The following SERPINB5 variants were observed in gnomAD, a reference collection of about 807,000 sequenced individuals.
SERPINB5 encodes the protein serpin B5.
A neutral mutation model predicts 32.2 loss-of-function variants in SERPINB5; 27 were observed. The ratio of observed to expected loss-of-function variants is 0.84; its 90% CI spans 0.62 to 1.16. The LOEUF (loss-of-function observed/expected upper bound fraction) is 1.16. Among genes scored for constraint, SERPINB5 ranks in the 50% most tolerant of loss-of-function variants. SERPINB5 has a pLI of 0.00. For missense variants in SERPINB5, 388 were observed against 436.3 expected, an observed-to-expected ratio of 0.89 and a Z score of 0.99; for synonymous variants, 154 against 157.4, an observed-to-expected ratio of 0.98 and a Z score of 0.16.
chr18:63,493,187 G>A, intron 5 of SERPINB5, 92 bp downstream of exon 5: 2 of 1,547,276 alleles, frequency 1.3e-6, no homozygotes, highest in South Asian at 1.1e-5. Flanking sequence ...ATTCCAATGA[G>A]GAACCTGAGG....
Position 63,486,984 on chromosome 18 carries a change from A to G in SERPINB5, c.207A>G (p.Gly69=). 3.7e-6 allele frequency: 6 copies of G among 1,614,174 alleles called. No homozygotes were observed. Among genetic ancestry groups the G allele is most frequent in the Non-Finnish European group, 5.1e-6 (6 of 1,179,998 alleles). Residue 69 remains glycine, a synonymous_variant, in exon 3 of 7, where the codon GGA becomes GGG. Coordinates refer to ENST00000382771, the MANE Select transcript of SERPINB5 (RefSeq NM_002639.5). ...HFENVKDVPF[G]FQTVTSDVNK... is the part of the protein sequence containing the mutation. ...AAAATGTCAAAGATGTACCCTTTGGATTTCAAACAGTAACATCGGATGTAA... is the reference window on the plus strand; with the variant it reads ...AAAATGTCAAAGATGTACCCTTTGGGTTTCAAACAGTAACATCGGATGTAA...
chr18:63,502,640 T>G (rs1909593251), intron 6 of SERPINB5, among the ~76,000 whole-genome samples: 1 of 152,178 alleles, frequency 6.6e-6, no homozygotes, highest in Non-Finnish European at 1.5e-5. Context: ...TCAAGAAATA[T>G]GTGTAAAAAG....
intron 3 of SERPINB5, 125 bp downstream of exon 3, chr18:63,487,208 T>C (rs1260210994): frequency 7.7e-6 from 7 of 912,424 alleles, no homozygotes; most frequent in Non-Finnish European, 1.1e-5. Context: ...GATTTGAGGC[T>C]TTAAATAAAT....
At chr18:63,479,496 G>A (rs934076762) in intron 1 of SERPINB5, among the ~76,000 whole-genome samples, 4 of 152,120 alleles carry the variant, frequency 2.6e-5, no homozygotes, top group Non-Finnish European at 5.9e-5. Context: ...CCTGTCCCAC[G>A]TTTTTGCAAG....
intron 5 of SERPINB5, chr18:63,497,103 C>T (rs1909463377): frequency 3.3e-6 from 2 of 606,690 alleles, no homozygotes; most frequent in Admixed American, 3.7e-5. Flanking sequence ...TTCATCTAAA[C>T]AGCCTTCCTA....
intron 6 of SERPINB5, among the ~76,000 whole-genome samples, chr18:63,500,682 C>T (rs1468463687): frequency 6.6e-6 from 1 of 152,022 alleles, no homozygotes; most frequent in Non-Finnish European, 1.5e-5. Flanking sequence ...TCTAGCTCCA[C>T]CCCGCCTGGC....
chr18:63,485,211 G>A (rs1917190021), intron 2 of SERPINB5, among the ~76,000 whole-genome samples: 1 of 152,144 alleles, frequency 6.6e-6, no homozygotes, highest in African/African-American at 2.4e-5. Context: ...AGCAGCATCT[G>A]TATCGTTTTA....
At chr18:63,493,690 C>T (rs1299043459) in intron 5 of SERPINB5, 1 of 154,294 alleles carries the variant, frequency 6.5e-6, no homozygotes, top group Non-Finnish European at 1.4e-5. Context: ...GAAACCCTGT[C>T]TCTACTAAAA....
At chr18:63,477,483 G>A (rs1213208769) in intron 1 of SERPINB5, among the ~76,000 whole-genome samples, 1 of 152,142 alleles carries the variant, frequency 6.6e-6, no homozygotes, top group Non-Finnish European at 1.5e-5. Context: ...GTATTGGTGG[G>A]TCTGGCTGGC....
At chr18:63,484,131 T>TG (rs760882676) in intron 1 of SERPINB5, among the ~76,000 whole-genome samples, 2 of 152,266 alleles carry the variant, frequency 1.3e-5, no homozygotes, top group Non-Finnish European at 2.9e-5. Context: ...TGACATATGC[T>TG]GGAGAAGAGA....
intron 6 of SERPINB5, 65 bp from the exon 7 acceptor site, chr18:63,503,265 A>G (rs1485700158): frequency 4.7e-6 from 7 of 1,503,692 alleles, no homozygotes; most frequent in African/African-American, 1.4e-5. Flanking sequence ...TATGTTTTCA[A>G]TTGAGCCAGG....
At chr18:63,499,467 G>A (rs1909526492) in intron 6 of SERPINB5, among the ~76,000 whole-genome samples, 180 bp downstream of exon 6, 1 of 152,146 alleles carries the variant, frequency 6.6e-6, no homozygotes, top group Admixed American at 6.5e-5. Context: ...ATTAACAACA[G>A]CCAAAATTTA....
chr18:63,499,022 T>TAG, intron 5 of SERPINB5, 98 bp from the exon 6 acceptor site: 1 of 431,488 alleles, frequency 2.3e-6, no homozygotes, highest in Non-Finnish European at 3.6e-6. Flanking sequence ...TGGGTATATA[T>TAG]GTGTGTGTGT....
At chr18:63,494,538 C>G (rs1909409383) in intron 5 of SERPINB5, among the ~76,000 whole-genome samples, 1 of 152,100 alleles carries the variant, frequency 6.6e-6, no homozygotes, top group Admixed American at 6.5e-5. Flanking sequence ...TTACCTGTAG[C>G]TCCTACGCGT....
In SERPINB5 at chr18:63,486,844, G is replaced by T. The variant is rs561957295; in HGVS notation, c.169-102G>T. On this transcript the variant is annotated intron_variant, in intron 2 of 6. Transcript: ENST00000382771. ...TTACTTTACGGGAACTAGGCAGGAG[G>T]AGTCTGTATGCCCAAGGACGTTGGT... 205 of 1,169,908 alleles carry T rather than the reference G, an allele frequency of 1.8e-4. No homozygotes were observed. The African/African-American group carries it at 2.9e-3, about 17-fold the overall frequency. The allele number at this position is 1,169,908 out of a possible 1,614,324, so 72.5% of individuals were successfully genotyped here. A position where few individuals can be genotyped will look rare whatever the true frequency, so the allele number is the denominator to read the frequency against.
chr18:63,487,098 G>A lies in SERPINB5; in HGVS notation c.306+15G>A. 6.2e-7 allele frequency: 1 copy of A among 1,611,198 alleles called. No homozygotes were observed. Among genetic ancestry groups the A allele is most frequent in the Non-Finnish European group, 8.5e-7 (1 of 1,178,774 alleles). The stretch of plus-strand genomic sequence containing the variant: ...ATCTTTCTACAGTAAGTTGTTTAAA[G>A]CAAGTAGCAAGACTTAACTTTTTAC... On this transcript the variant is annotated intron_variant, in intron 3 of 6. Transcript: ENST00000382771.
Position 63,499,193 on chromosome 18 carries a change from G to A in SERPINB5, c.641G>A (p.Cys214Tyr), listed in dbSNP as rs764255267. ...FCMGNIDSIN[C>Y]KIIELPFQNK... ...ATGGGAAACATTGACAGTATCAATTGTAAGATCATAGAGCTTCCTTTTCAA... is the reference window on the plus strand; with the variant it reads ...ATGGGAAACATTGACAGTATCAATTATAAGATCATAGAGCTTCCTTTTCAA... The change falls in exon 6 of 7, where the codon TGT (cysteine) becomes TAT (tyrosine). Residue 214 changes from cysteine to tyrosine, a missense_variant. By Grantham distance (194) the Cys-to-Tyr change is radical. Coordinates refer to ENST00000382771, the MANE Select transcript of SERPINB5 (RefSeq NM_002639.5). 8 of 1,603,014 alleles carry A rather than the reference G, an allele frequency of 5.0e-6. No individual in the cohort carries two copies. Among genetic ancestry groups the A allele is most frequent in the Non-Finnish European group, 5.1e-6 (6 of 1,174,502 alleles).
At chr18:63,481,503 ATAT>A (rs911445190) in intron 1 of SERPINB5, among the ~76,000 whole-genome samples, 2 of 152,254 alleles carry the variant, frequency 1.3e-5, no homozygotes, top group African/African-American at 4.8e-5. Context: ...GTGTGTTTTC[ATAT>A]TATTATCAGT....
rs188892440 is a variant in SERPINB5, at chr18:63,478,140, G to A, written c.-8+1095G>A. ...CTGTCTGAGGAAAGGAGTCTCCAAAGGAAATGAGTCAGCAGGTTTATATCT... is the reference window on the plus strand; with the variant it reads ...CTGTCTGAGGAAAGGAGTCTCCAAAAGAAATGAGTCAGCAGGTTTATATCT... On this transcript the variant is annotated intron_variant, in intron 1 of 6. Coordinates refer to ENST00000382771, the MANE Select transcript of SERPINB5 (RefSeq NM_002639.5). 2.3e-4 allele frequency among the ~76,000 whole-genome samples: 35 copies of A among 152,328 alleles called. No individual in the cohort carries two copies. The East Asian group carries it at 5.6e-3, about 24-fold the overall frequency.
Sources: gnomAD v4.1 joint callset for allele counts (sites outside exome capture counted in the v4.1 genomes callset) on GRCh38, gnomAD v4.1.1 for gene constraint, MANE v1.5 for transcripts, NCBI Gene and HGNC (gene_info 2026-07-23, HGNC 2026-07-21) for gene names.